The following NR2F1-AS1 variants were observed in gnomAD, a reference collection of about 807,000 sequenced individuals.
The protein encoded by NR2F1-AS1 is NR2F1 antisense RNA 1.
intron 4 of NR2F1-AS1, chr5:93,544,890 A>G (rs1752041857): frequency 6.7e-6 from 1 of 148,280 alleles, no homozygotes; most frequent in Middle Eastern, 3.3e-3. Context: ...ACTGCACTCC[A>G]GCCTGGTGAC....
In NR2F1-AS1 at chr5:93,444,005, G is replaced by A. The variant is rs1749633831; in HGVS notation, n.639-48463C>T. ...CTTTACAGACAAGCAAATGCTGAGA[G>A]ATTTTGTCACCACCAGGCCTGCCCT... On this transcript the variant is annotated intron_variant and non_coding_transcript_variant, in intron 4 of 5. Coordinates refer to ENST00000660523, the Ensembl canonical transcript of NR2F1-AS1. Among the ~76,000 whole-genome samples, 3 of 152,142 alleles carry A rather than the reference G, an allele frequency of 2.0e-5. No individual in the cohort carries two copies. In the South Asian group the frequency reaches 6.2e-4, roughly 32 times the overall value.
upstream of NR2F1-AS1, chr5:93,584,694 G>C (rs1331764851): frequency 6.7e-6 from 1 of 149,376 alleles, no homozygotes; most frequent in Non-Finnish European, 1.5e-5. Flanking sequence ...AGGGGAGCAG[G>C]GGTGTTGGGG....
chr5:93,469,792 A>C (rs1017644799), intron 4 of NR2F1-AS1, among the ~76,000 whole-genome samples: 10 of 152,062 alleles, frequency 6.6e-5, no homozygotes, highest in African/African-American at 2.2e-4. Flanking sequence ...TAGCTAGCAC[A>C]GTAGCAGTTC....
chr5:93,558,131 T>C (rs932784029), intron 2 of NR2F1-AS1, among the ~76,000 whole-genome samples: 1 of 152,128 alleles, frequency 6.6e-6, no homozygotes, highest in Non-Finnish European at 1.5e-5. Flanking sequence ...AAGTCATCCA[T>C]GAGTGTTGGA....
At chr5:93,491,459 T>A (rs912416168) in intron 4 of NR2F1-AS1, among the ~76,000 whole-genome samples, 2 of 152,070 alleles carry the variant, frequency 1.3e-5, no homozygotes, top group African/African-American at 4.8e-5. Context: ...AAATTTTTTT[T>A]TAAATGAACT....
chr5:93,505,027 G>A (rs886746120), intron 4 of NR2F1-AS1, among the ~76,000 whole-genome samples: 3 of 152,166 alleles, frequency 2.0e-5, no homozygotes, highest in Non-Finnish European at 4.4e-5. Context: ...CCGCCTATAA[G>A]CCTGTAAAAT....
At chr5:93,507,461 G>A (rs1037332017) in intron 4 of NR2F1-AS1, among the ~76,000 whole-genome samples, 1 of 152,084 alleles carries the variant, frequency 6.6e-6, no homozygotes, top group African/African-American at 2.4e-5. Context: ...AGGTTCAAGC[G>A]ACTCTCCCAC....
At chr5:93,446,607 C>T (rs1438334135) in intron 4 of NR2F1-AS1, among the ~76,000 whole-genome samples, 3 of 152,068 alleles carry the variant, frequency 2.0e-5, no homozygotes, top group Non-Finnish European at 4.4e-5. Flanking sequence ...GAATCAATAT[C>T]GTGAAAATGG....
chr5:93,568,438 G>A (rs1752665920), intron 1 of NR2F1-AS1, among the ~76,000 whole-genome samples: 1 of 152,128 alleles, frequency 6.6e-6, no homozygotes, highest in Non-Finnish European at 1.5e-5. Context: ...TTTCCTTGAT[G>A]AAAACTAATG....
intron 4 of NR2F1-AS1, among the ~76,000 whole-genome samples, chr5:93,457,993 C>T (rs531852801): frequency 7.9e-5 from 12 of 152,326 alleles, no homozygotes; most frequent in African/African-American, 2.9e-4. Context: ...CTCTCGTTAA[C>T]TTGTCCTCAG....
chr5:93,496,548 A>G (rs964122945), intron 4 of NR2F1-AS1, among the ~76,000 whole-genome samples: 2 of 152,188 alleles, frequency 1.3e-5, no homozygotes, highest in African/African-American at 4.8e-5. Context: ...TTTAATTTAT[A>G]CATTATGAAA....
chr5:93,470,135 T>C lies in NR2F1-AS1; in HGVS notation n.639-74593A>G, dbSNP rs1400493646. On this transcript the variant is annotated intron_variant and non_coding_transcript_variant, in intron 4 of 5. Transcript: ENST00000660523. The stretch of plus-strand genomic sequence containing the variant: ...AATAGCAGAAAACTTTTCTGCTTTT[T>C]ATTTTTACCAACTTGATGTTAATGA... 2.9e-4 allele frequency among the ~76,000 whole-genome samples: 44 copies of C among 152,012 alleles called. 1 individual carries two copies. The highest frequency in any genetic ancestry group is 2.8e-3 in the Admixed American group (42 of 15,258).
intron 2 of NR2F1-AS1, among the ~76,000 whole-genome samples, chr5:93,557,430 C>T (rs2149916705): frequency 6.6e-6 from 1 of 152,248 alleles, no homozygotes; most frequent in East Asian, 1.9e-4. Context: ...AGCAATAAAG[C>T]AAACATTGCA....
At chr5:93,481,975 T>C (rs1333672026) in intron 4 of NR2F1-AS1, among the ~76,000 whole-genome samples, 1 of 151,946 alleles carries the variant, frequency 6.6e-6, no homozygotes, top group Non-Finnish European at 1.5e-5. Context: ...ATTAACAACC[T>C]AATTTTACAC....
chr5:93,541,528 AC>A (rs1245450405), intron 4 of NR2F1-AS1, among the ~76,000 whole-genome samples: 1 of 151,908 alleles, frequency 6.6e-6, no homozygotes, highest in African/African-American at 2.4e-5. Context: ...GGAATCACCA[AC>A]TCAGTTTCTT....
intron 4 of NR2F1-AS1, among the ~76,000 whole-genome samples, chr5:93,484,131 C>A (rs1474833793): frequency 6.6e-6 from 1 of 152,068 alleles, no homozygotes; most frequent in Non-Finnish European, 1.5e-5. Flanking sequence ...AGAAGAGCAA[C>A]CCCAAGACAC....
chr5:93,447,071 T>TA (rs1315340144), intron 4 of NR2F1-AS1, among the ~76,000 whole-genome samples: 1 of 152,132 alleles, frequency 6.6e-6, no homozygotes, highest in Admixed American at 6.6e-5. Context: ...ATTAAAGACT[T>TA]AAATATTAGA....
At chr5:93,419,535 A>G (rs1259380895) in intron 4 of NR2F1-AS1, among the ~76,000 whole-genome samples, 2 of 152,090 alleles carry the variant, frequency 1.3e-5, no homozygotes, top group African/African-American at 4.8e-5. Context: ...TAACCACTGC[A>G]CTCCAGCCTA....
At chr5:93,568,054 AG>A (rs1359460110) in intron 1 of NR2F1-AS1, among the ~76,000 whole-genome samples, 2 of 152,230 alleles carry the variant, frequency 1.3e-5, no homozygotes, top group African/African-American at 2.4e-5. Flanking sequence ...ACCATATTTG[AG>A]GTACTTCTTC....
Sources: gnomAD v4.1 joint callset for allele counts (sites outside exome capture counted in the v4.1 genomes callset) on GRCh38, gnomAD v4.1.1 for gene constraint, MANE v1.5 for transcripts, NCBI Gene and HGNC (gene_info 2026-07-23, HGNC 2026-07-21) for gene names.